Variants in BCL2 observed in about 807,000 individuals in gnomAD.
BCL2 encodes the protein BCL2 apoptosis regulator.
In BCL2, 1 loss-of-function variant was observed where a neutral mutation model predicts 14.2. That is an observed-to-expected ratio of 0.07 (90% CI 0.02 to 0.33). The LOEUF is 0.33. Among genes scored for constraint, BCL2 ranks in the 10% least tolerant of loss-of-function variants. The probability of loss-of-function intolerance (pLI) is 0.99; values close to 1 mark genes in which losing one functional copy is unlikely to be tolerated. For synonymous variants in BCL2, 151 were observed against 137.2 expected (o/e 1.10, Z -0.70); for missense variants, 247 against 305.9 (o/e 0.81, Z 1.44).
In BCL2 at chr18:63,123,471, T is replaced by C. The variant is rs1351436467; in HGVS notation, c.*5154A>G. The stretch of plus-strand genomic sequence containing the variant: ...GCCATTATAGCTAATGGTGGCCAAC[T>C]GGAGACTTACTTTACCTTAACCATG... On this transcript the variant is annotated 3_prime_UTR_variant, in exon 3 of 3. Coordinates refer to ENST00000333681, the MANE Select transcript of BCL2 (RefSeq NM_000633.3). 9.8e-6 allele frequency: 2 copies of C among 203,656 alleles called. No homozygotes were observed. Among genetic ancestry groups the C allele is most frequent in the Non-Finnish European group, 2.0e-5 (2 of 99,254 alleles). The allele number at this position is 203,656 out of a possible 1,614,324, so 12.6% of individuals were successfully genotyped here.
rs1368262354 is a variant in BCL2, at chr18:63,318,162, G to A, written c.505C>T (p.Leu169=). The change falls in exon 2 of 3, where the codon CTG becomes TTG. Residue 169 remains leucine, a synonymous_variant. Coordinates refer to ENST00000333681, the MANE Select transcript of BCL2 (RefSeq NM_000633.3). This position sits in a 1 kb window ranked among gnomAD's most constrained non-coding sequence, Gnocchi z 7.4. ...ATCCACAGGGCGATGTTGTCCACCA[G>A]GGGCGACATCTCCCGGTTGACGCTC... The part of the protein sequence containing the change: ...VESVNREMSP[L]VDNIALWMTE... 1.9e-6 allele frequency: 3 copies of A among 1,614,036 alleles called. No individual in the cohort carries two copies. Among genetic ancestry groups the A allele is most frequent in the Non-Finnish European group, 2.5e-6 (3 of 1,180,032 alleles).
intron 2 of BCL2, among the ~76,000 whole-genome samples, chr18:63,150,495 C>A (rs776650680): frequency 6.6e-6 from 1 of 152,058 alleles, no homozygotes; most frequent in Non-Finnish European, 1.5e-5. Flanking sequence ...TTTTCTTTCC[C>A]TCTGCGTCTG....
chr18:63,251,900 T>C (rs550779880), intron 2 of BCL2, among the ~76,000 whole-genome samples: 2 of 152,098 alleles, frequency 1.3e-5, no homozygotes, highest in Non-Finnish European at 2.9e-5. Flanking sequence ...GGTTTCACCA[T>C]GTTGGTCAGG....
chr18:63,313,554 A>C (rs1913401729), intron 2 of BCL2, among the ~76,000 whole-genome samples: 2 of 152,246 alleles, frequency 1.3e-5, no homozygotes, highest in Admixed American at 1.3e-4. Flanking sequence ...GGGAAAAAGA[A>C]AACGTTCTAC....
chr18:63,184,088 C>T (rs894015353), intron 2 of BCL2, among the ~76,000 whole-genome samples: 1 of 152,232 alleles, frequency 6.6e-6, no homozygotes, highest in African/African-American at 2.4e-5. Context: ...CAACTGAGTA[C>T]CTGCAGGAGA....
intron 2 of BCL2, among the ~76,000 whole-genome samples, chr18:63,306,861 T>A (rs141377825): frequency 6.8e-6 from 1 of 147,448 alleles, no homozygotes; most frequent in Non-Finnish European, 1.5e-5. Context: ...TTTTTTTAGC[T>A]CATCAGCTAT....
chr18:63,314,023 T>C (rs2051423), intron 2 of BCL2: 68,165 of 151,912 alleles, frequency 0.45, 16,864 homozygotes, highest in Admixed American at 0.57. Flanking sequence ...GAAAAGAGAA[T>C]TCAGTTAACT....
At chr18:63,133,732 C>G (rs1213285265) in intron 2 of BCL2, among the ~76,000 whole-genome samples, 1 of 152,152 alleles carries the variant, frequency 6.6e-6, no homozygotes, top group East Asian at 1.9e-4. Flanking sequence ...CAAAATAACC[C>G]TTATGCCCAG....
chr18:63,309,701 C>A (rs971283675), intron 2 of BCL2, among the ~76,000 whole-genome samples: 9 of 152,150 alleles, frequency 5.9e-5, no homozygotes, highest in African/African-American at 2.2e-4. Flanking sequence ...TTCAACATCC[C>A]TGGTACAGTT....
chr18:63,183,502 C>T (rs1915524114), intron 2 of BCL2, among the ~76,000 whole-genome samples: 1 of 152,206 alleles, frequency 6.6e-6, no homozygotes. Context: ...GAGACAGCTG[C>T]AGATGGGGCC....
Position 63,128,204 on chromosome 18 carries a change from T to G in BCL2, c.*421A>C, listed in dbSNP as rs1378983308. The G allele has an allele frequency of 3.0e-5, 7 of 233,598 alleles. No homozygotes were observed. The highest frequency in any genetic ancestry group is 5.1e-5 in the Non-Finnish European group (6 of 118,212). 14.5% of individuals were successfully genotyped at this position (233,598 alleles called of 1,614,324 possible). ...CCAGCTTCCCCAATGATCAGGTCCT[T>G]TTTCCATCCGTCTGCTCTTCAGATG... is the stretch of plus-strand genomic sequence containing the variant. On this transcript the variant is annotated 3_prime_UTR_variant, in exon 3 of 3. Transcript: ENST00000333681.
chr18:63,215,725 A>G (rs778911731), intron 2 of BCL2, among the ~76,000 whole-genome samples: 2 of 152,208 alleles, frequency 1.3e-5, no homozygotes, highest in Non-Finnish European at 2.9e-5. Flanking sequence ...CTCCTATCTC[A>G]TTTATGGGAA....
chr18:63,278,308 G>T lies in BCL2; in HGVS notation c.585+39774C>A, dbSNP rs545747563. Among the ~76,000 whole-genome samples the T allele has an allele frequency of 5.9e-5, 9 of 152,304 alleles. No individual in the cohort carries two copies. In the South Asian group the frequency reaches 1.9e-3, roughly 32 times the overall value. ...TTGAGGAAAAGAAAATGAGGTGAAG[G>T]TCATATTCTACAGGATATTGACAAA... is the stretch of plus-strand genomic sequence containing the variant. On this transcript the variant is annotated intron_variant, in intron 2 of 2. Transcript: ENST00000333681.
At chr18:63,223,866 TCAGA>T (rs1290110786) in intron 2 of BCL2, among the ~76,000 whole-genome samples, 2 of 152,082 alleles carry the variant, frequency 1.3e-5, no homozygotes, top group African/African-American at 4.8e-5. Flanking sequence ...TTAAATATGG[TCAGA>T]CAATCAGGAC....
chr18:63,293,886 G>A (rs144141750), intron 2 of BCL2, among the ~76,000 whole-genome samples: 2 of 151,996 alleles, frequency 1.3e-5, no homozygotes, highest in Non-Finnish European at 2.9e-5. Context: ...TACCTCTCAT[G>A]CAACAGTTCA....
chr18:63,179,574 A>G lies in BCL2; in HGVS notation c.586-50815T>C, dbSNP rs151096009. On this transcript the variant is annotated intron_variant, in intron 2 of 2. Coordinates refer to ENST00000333681, the MANE Select transcript of BCL2 (RefSeq NM_000633.3). ...TTCTAATCCTATGGGCTTGGTTCCC[A>G]GAAAGCCCTATGTTGCGGTGCGGAA... is the stretch of plus-strand genomic sequence containing the variant. 1.7e-4 allele frequency among the ~76,000 whole-genome samples: 26 copies of G among 152,322 alleles called. 1 individual carries two copies. The East Asian group carries it at 4.8e-3, about 28-fold the overall frequency.
At chr18:63,238,220 G>A (rs777528911) in intron 2 of BCL2, among the ~76,000 whole-genome samples, 10 of 152,130 alleles carry the variant, frequency 6.6e-5, no homozygotes, top group African/African-American at 1.4e-4. Context: ...TATAAAGTTC[G>A]TTGACCTCAC....
chr18:63,299,798 T>A (rs934598844), intron 2 of BCL2, among the ~76,000 whole-genome samples: 5 of 131,968 alleles, frequency 3.8e-5, no homozygotes, highest in Non-Finnish European at 6.9e-5. Flanking sequence ...GATCTCTTGC[T>A]TTTTTTTTTT....
chr18:63,264,106 C>T (rs1378717484), intron 2 of BCL2, among the ~76,000 whole-genome samples: 1 of 152,230 alleles, frequency 6.6e-6, no homozygotes, highest in African/African-American at 2.4e-5. Flanking sequence ...TAGTAAAACG[C>T]TCAGCATGCA....
Sources: allele counts gnomAD v4.1 joint callset (sites outside exome capture counted in the v4.1 genomes callset), GRCh38; gene constraint gnomAD v4.1.1; non-coding constraint Gnocchi (gnomAD v3.1); transcripts MANE v1.5; gene names NCBI Gene and HGNC (gene_info 2026-07-23, HGNC 2026-07-21).